The following APAF1 variants were observed in gnomAD, a reference collection of about 807,000 sequenced individuals.
The protein encoded by APAF1 is apoptotic peptidase activating factor 1.
A neutral mutation model predicts 152.4 loss-of-function variants in APAF1; 91 were observed. The observed-to-expected ratio is 0.60, with a 90% CI of 0.50 to 0.71. APAF1 has a LOEUF of 0.71. Ranked by LOEUF, APAF1 falls within the 30% of genes least tolerant of loss-of-function variation. The pLI is 0.00. For synonymous variants in APAF1, 484 were observed against 494.1 expected (o/e 0.98, Z 0.27); for missense variants, 1,283 against 1,472.0 (o/e 0.87, Z 2.10).
rs183506281 is a variant in APAF1, at chr12:98,711,118, A to C, written c.2842-1201A>C. Among the ~76,000 whole-genome samples the C allele has an allele frequency of 2.6e-3, 397 of 152,266 alleles. 1 individual carries two copies. The highest frequency in any genetic ancestry group is 3.7e-3 in the Non-Finnish European group (253 of 68,012). On this transcript the variant is annotated intron_variant, in intron 20 of 26. Coordinates refer to ENST00000551964, the MANE Select transcript of APAF1 (RefSeq NM_181861.2). ...CCTAATGCACAGTACTTCTGGGGTG[A>C]ATTGGGATATGGAATTCAATGTGAA...
At chr12:98,655,239 A>G (rs2097655290) in intron 4 of APAF1, among the ~76,000 whole-genome samples, 1 of 147,346 alleles carries the variant, frequency 6.8e-6, no homozygotes, top group East Asian at 2.0e-4. Flanking sequence ...CTTTCTACAC[A>G]GACACGGCAA....
At chr12:98,725,686 T>G in intron 25 of APAF1, 146 bp downstream of exon 25, 4 of 1,063,454 alleles carry the variant, frequency 3.8e-6, no homozygotes, top group Non-Finnish European at 5.8e-6. Flanking sequence ...CTTGTGCACA[T>G]TGTATTCACA....
chr12:98,673,458 AAAAAAAAAAC>A (rs2097682952), intron 12 of APAF1, among the ~76,000 whole-genome samples: 1 of 146,116 alleles, frequency 6.8e-6, no homozygotes, highest in African/African-American at 2.6e-5. Flanking sequence ...AAAAAAAAAC[AAAAAAAAAAC>A]CTTGGGTCTG....
intron 7 of APAF1, among the ~76,000 whole-genome samples, chr12:98,665,088 G>A (rs1023325484): frequency 6.7e-6 from 1 of 148,368 alleles, no homozygotes; most frequent in Non-Finnish European, 1.5e-5. Flanking sequence ...AGGATGCAGT[G>A]GTGCTGTCAT....
At chr12:98,665,278 A>ATATATATATATATATATATATT (rs1491316422) in intron 7 of APAF1, among the ~76,000 whole-genome samples, 29 of 65,962 alleles carry the variant, frequency 4.4e-4, no homozygotes, top group East Asian at 1.1e-3. Flanking sequence ...ATATATATAT[A>ATATATATATATATATATATATT]TTTTTTTTTT....
chr12:98,723,637 A>G lies in APAF1; in HGVS notation c.3205-2A>G. On this transcript the variant is annotated splice_acceptor_variant, in intron 23 of 26. Coordinates refer to ENST00000551964, the MANE Select transcript of APAF1 (RefSeq NM_181861.2). LOFTEE classifies it high-confidence loss of function. ...TCCAAGTGTTTTTTTTTTTTTTTTA[A>G]GGTATGGAATATTATTACTGGAAAT... The G allele has an allele frequency of 6.8e-7, 1 of 1,464,078 alleles. No homozygotes were observed. The highest frequency in any genetic ancestry group is 1.2e-5 in the South Asian group (1 of 82,258). The allele number at this position is 1,464,078 out of a possible 1,614,324, so 90.7% of individuals were successfully genotyped here.
chr12:98,715,742 T>C (rs905594025), intron 22 of APAF1, among the ~76,000 whole-genome samples, 190 bp downstream of exon 22: 4 of 151,632 alleles, frequency 2.6e-5, no homozygotes, highest in African/African-American at 9.8e-5. Context: ...CAGTTTATCT[T>C]AGAATCCTCT....
intron 17 of APAF1, among the ~76,000 whole-genome samples, chr12:98,700,022 A>G (rs2097713716): frequency 6.6e-6 from 1 of 152,232 alleles, no homozygotes; most frequent in African/African-American, 2.4e-5. Context: ...CTCTGACAGA[A>G]ATGCTCATCA....
chr12:98,680,319 G>A lies in APAF1; in HGVS notation c.1963G>A (p.Ala655Thr). The change falls in exon 14 of 27, where the codon GCT (alanine) becomes ACT (threonine). Residue 655 changes from alanine to threonine, a missense_variant. Ala to Thr is a moderately conservative substitution (Grantham distance 58). Transcript: ENST00000551964. ...ETGEKLLEIK[A>T]HEDEVLCCAF... The stretch of plus-strand genomic sequence containing the variant: ...AGGAGAGAAACTTCTAGAAATCAAG[G>A]CTCATGAGGATGAAGTGCTTTGTTG... 2 of 1,613,146 alleles carry A rather than the reference G, an allele frequency of 1.2e-6. No individual in the cohort carries two copies. Among genetic ancestry groups the A allele is most frequent in the Non-Finnish European group, 1.7e-6 (2 of 1,179,596 alleles).
At chr12:98,732,368 G>C in intron 26 of APAF1, 52 bp from the exon 27 acceptor site, 1 of 1,535,292 alleles carries the variant, frequency 6.5e-7, no homozygotes, top group Non-Finnish European at 9.0e-7. Context: ...ACTATAAATT[G>C]TCACACAGTG....
Position 98,686,866 on chromosome 12 carries a change from C to T in APAF1, c.2297C>T (p.Thr766Ile), listed in dbSNP as rs949895875. ...TTGGCTAGTTGTTCAGCTGATGGAA[C>T]CTTAAAGGTATGCTTTTGTACACTA... ...KLLASCSADGTLKLWDATSAN... is the reference protein window; with the variant it reads ...KLLASCSADGILKLWDATSAN... Residue 766 changes from threonine to isoleucine, a missense_variant, in exon 16 of 27, where the codon ACC becomes ATC. Physicochemically the swap from Thr to Ile is moderately conservative, Grantham distance 89. Transcript: ENST00000551964. The T allele has an allele frequency of 1.2e-6, 2 of 1,613,740 alleles. No homozygotes were observed. The highest frequency in any genetic ancestry group is 2.7e-5 in the African/African-American group (2 of 74,874).
chr12:98,730,126 G>T (rs947091163), intron 26 of APAF1, among the ~76,000 whole-genome samples: 2 of 152,192 alleles, frequency 1.3e-5, no homozygotes, highest in Non-Finnish European at 2.9e-5. Context: ...AAGAAAGGAT[G>T]TATGTTATCC....
intron 4 of APAF1, among the ~76,000 whole-genome samples, chr12:98,657,486 T>G (rs1328642732): frequency 6.6e-6 from 1 of 152,214 alleles, no homozygotes; most frequent in Non-Finnish European, 1.5e-5. Context: ...TCCTTGACCT[T>G]GTGCAGGTTC....
chr12:98,703,532 G>A, intron 18 of APAF1, 33 bp downstream of exon 18: 2 of 1,613,656 alleles, frequency 1.2e-6, no homozygotes, highest in Middle Eastern at 1.7e-4. Context: ...TGAAGCCTGG[G>A]TTTCCAGAGA....
Position 98,667,411 on chromosome 12 carries a change from C to A in APAF1, c.1363-102C>A, listed in dbSNP as rs2097674403. On this transcript the variant is annotated intron_variant, in intron 9 of 26. Transcript: ENST00000551964. The stretch of plus-strand genomic sequence containing the variant: ...GATTACAGGCGTGAGCCACCGAGCC[C>A]GGCCTCTCTGTACATTCTTAATAGC... 4 of 1,451,070 alleles carry A rather than the reference C, an allele frequency of 2.8e-6. No individual in the cohort carries two copies. The Admixed American group carries it at 6.8e-5, about 25-fold the overall frequency. The allele number at this position is 1,451,070 out of a possible 1,614,324, so 89.9% of individuals were successfully genotyped here.
chr12:98,685,092 C>A (rs1231756011), intron 15 of APAF1, among the ~76,000 whole-genome samples: 1 of 152,180 alleles, frequency 6.6e-6, no homozygotes. Flanking sequence ...CAGTATATAT[C>A]TCACTTACTA....
chr12:98,654,096 C>G (rs548252852), intron 4 of APAF1, among the ~76,000 whole-genome samples: 15 of 152,246 alleles, frequency 9.9e-5, no homozygotes, highest in African/African-American at 2.9e-4. Flanking sequence ...AAATTGCTCC[C>G]TCTTGTGCCC....
At chr12:98,700,456 T>C (rs1475745779) in intron 17 of APAF1, among the ~76,000 whole-genome samples, 1 of 152,238 alleles carries the variant, frequency 6.6e-6, no homozygotes, top group Non-Finnish European at 1.5e-5. Context: ...GATTTAGTGC[T>C]ACAATCCTTG....
chr12:98,693,874 T>G (rs1225617436), intron 16 of APAF1, among the ~76,000 whole-genome samples: 1 of 150,996 alleles, frequency 6.6e-6, no homozygotes, highest in Non-Finnish European at 1.5e-5. Flanking sequence ...TAAGAAAGAA[T>G]CTATGGGAAG....
Sources: allele counts gnomAD v4.1 joint callset (sites outside exome capture counted in the v4.1 genomes callset), GRCh38; gene constraint gnomAD v4.1.1; transcripts MANE v1.5; gene names NCBI Gene and HGNC (gene_info 2026-07-23, HGNC 2026-07-21).